TCERG1L: variants seen among roughly 807,000 people sequenced by gnomAD.
TCERG1L encodes the protein transcription elongation regulator 1 like, also known as transcription elongation regulator 1-like protein.
A neutral mutation model predicts 56.3 loss-of-function variants in TCERG1L; 37 were observed. That is an observed-to-expected ratio of 0.66 (90% CI 0.51 to 0.87). TCERG1L has a LOEUF of 0.87. Ranked by LOEUF, TCERG1L falls within the 40% of genes least tolerant of loss-of-function variation. The probability of loss-of-function intolerance (pLI) is 0.00; values close to 1 mark genes in which losing one functional copy is unlikely to be tolerated. For synonymous variants in TCERG1L, 324 were observed against 326.3 expected (o/e 0.99, Z 0.08); for missense variants, 799 against 774.2 (o/e 1.03, Z -0.38).
intron 4 of TCERG1L, among the ~76,000 whole-genome samples, chr10:131,203,189 G>A (rs958593290): frequency 2.6e-5 from 4 of 152,048 alleles, no homozygotes; most frequent in East Asian, 1.9e-4. Context: ...GCGTATACCT[G>A]TCTTCAGCCC....
chr10:131,256,907 CAAA>C (rs1398015151), intron 4 of TCERG1L, among the ~76,000 whole-genome samples: 1 of 112,786 alleles, frequency 8.9e-6, no homozygotes, highest in Non-Finnish European at 1.8e-5. Flanking sequence ...GAGAGAAAGA[CAAA>C]GAAGGAAGGA....
chr10:131,180,757 A>T (rs1845165708), intron 4 of TCERG1L, among the ~76,000 whole-genome samples: 1 of 152,196 alleles, frequency 6.6e-6, no homozygotes, highest in Admixed American at 6.5e-5. Flanking sequence ...CTTCAGTTCT[A>T]TATGGAAGAT....
chr10:131,107,552 C>T (rs1380046316), intron 9 of TCERG1L, among the ~76,000 whole-genome samples: 1 of 152,092 alleles, frequency 6.6e-6, no homozygotes, highest in African/African-American at 2.4e-5. Flanking sequence ...ATGTGTGAAA[C>T]AGGGTCTTTC....
In TCERG1L at chr10:131,260,950, G is replaced by A. The variant is rs891807561; in HGVS notation, c.671-506C>T. 3.3e-5 allele frequency among the ~76,000 whole-genome samples: 5 copies of A among 151,924 alleles called. No individual in the cohort carries two copies. The highest frequency in any genetic ancestry group is 7.4e-5 in the Non-Finnish European group (5 of 67,970). ...CAGCTGGGCCCTGCAGGGAGAGGGC[G>A]GAGAGGTTTCCAGAGGGCACCAGGC... On this transcript the variant is annotated intron_variant, in intron 3 of 11. Coordinates refer to ENST00000368642, the MANE Select transcript of TCERG1L (RefSeq NM_174937.4). This position sits in a 1 kb window ranked among gnomAD's most constrained non-coding sequence, Gnocchi z 5.8.
intron 11 of TCERG1L, chr10:131,095,212 C>T (rs1033385734): frequency 2.2e-4 from 33 of 149,946 alleles, no homozygotes; most frequent in African/African-American, 7.8e-4. Flanking sequence ...TCAACCCCAC[C>T]GGGCGGCCAA....
At chr10:131,277,870 C>A (rs551466774) in intron 3 of TCERG1L, among the ~76,000 whole-genome samples, 7 of 152,068 alleles carry the variant, frequency 4.6e-5, no homozygotes, top group African/African-American at 1.7e-4. Context: ...GTGGCAGGTG[C>A]CTCCTGAGCC....
chr10:131,114,422 T>C (rs1259458936), intron 9 of TCERG1L, among the ~76,000 whole-genome samples: 2 of 143,802 alleles, frequency 1.4e-5, no homozygotes, highest in East Asian at 4.6e-4. Context: ...GGTCTGTGTA[T>C]GTGGGCCTCT....
intron 5 of TCERG1L, among the ~76,000 whole-genome samples, chr10:131,166,584 T>C (rs1388323722): frequency 1.3e-5 from 2 of 152,218 alleles, no homozygotes; most frequent in Non-Finnish European, 2.9e-5. Flanking sequence ...CCCAGGGAGC[T>C]TCAGACCCAG....
At chr10:131,138,826 C>T (rs1456164821) in intron 7 of TCERG1L, among the ~76,000 whole-genome samples, 6 of 152,146 alleles carry the variant, frequency 3.9e-5, no homozygotes, top group East Asian at 1.9e-4. Flanking sequence ...CATGGTTAAA[C>T]GGTCAGCTTC....
chr10:131,139,185 C>G (rs1475244980), intron 7 of TCERG1L, among the ~76,000 whole-genome samples: 1 of 152,252 alleles, frequency 6.6e-6, no homozygotes, highest in Non-Finnish European at 1.5e-5. Flanking sequence ...GAAGATTCGG[C>G]AGTACCTGCC....
At chr10:131,129,188 T>C (rs1303450336) in intron 8 of TCERG1L, among the ~76,000 whole-genome samples, 4 of 150,330 alleles carry the variant, frequency 2.7e-5, no homozygotes, top group Non-Finnish European at 5.9e-5. Flanking sequence ...AGTCCTGATA[T>C]GAAAGCAAAC....
chr10:131,197,425 T>C (rs1438939883), intron 4 of TCERG1L, among the ~76,000 whole-genome samples: 2 of 152,144 alleles, frequency 1.3e-5, no homozygotes, highest in Non-Finnish European at 2.9e-5. Context: ...GACCTGGTGA[T>C]CCTCCTGCCT....
rs1318077063 is a variant in TCERG1L at position 131,260,727 on chromosome 10, G to GGT, written c.671-285_671-284dup. On this transcript the variant is annotated intron_variant, in intron 3 of 11. Transcript: ENST00000368642. The surrounding 1 kb of genome is among the most constrained non-coding windows in gnomAD (Gnocchi z 5.8). ...TCACCAGGGGACGAGCCAGGACCCG[G>GGT]GTGCCTTAAAGAGAAACTGCTTGTC... is the stretch of plus-strand genomic sequence containing the variant. 2.0e-5 allele frequency among the ~76,000 whole-genome samples: 3 copies of GGT among 152,138 alleles called. No homozygotes were observed. Among genetic ancestry groups the GGT allele is most frequent in the Non-Finnish European group, 4.4e-5 (3 of 68,038 alleles).
chr10:131,209,381 T>C (rs1451192713), intron 4 of TCERG1L, among the ~76,000 whole-genome samples: 1 of 152,228 alleles, frequency 6.6e-6, no homozygotes, highest in Non-Finnish European at 1.5e-5. Flanking sequence ...CGTTTACTGA[T>C]AATGTCTAGT....
At chr10:131,164,018 T>G (rs1846004970) in intron 5 of TCERG1L, 1 of 150,868 alleles carries the variant, frequency 6.6e-6, no homozygotes, top group Admixed American at 6.6e-5. Flanking sequence ...TCCCAGCTAC[T>G]CGGGAGGCTG....
chr10:131,269,729 C>T (rs928078130), intron 3 of TCERG1L, among the ~76,000 whole-genome samples: 1 of 152,220 alleles, frequency 6.6e-6, no homozygotes, highest in Admixed American at 6.5e-5. Flanking sequence ...CTTTGAAACA[C>T]TGAGAGTTCC....
chr10:131,222,213 T>C (rs1302476869), intron 4 of TCERG1L, among the ~76,000 whole-genome samples: 5 of 151,990 alleles, frequency 3.3e-5, no homozygotes, highest in African/African-American at 9.7e-5. Context: ...AATACAACTA[T>C]TCATCAAAAG....
At chr10:131,297,019 T>C (rs1019976417) in intron 3 of TCERG1L, among the ~76,000 whole-genome samples, 1 of 152,230 alleles carries the variant, frequency 6.6e-6, no homozygotes, top group Admixed American at 6.5e-5. Context: ...TCGTCATTTG[T>C]CTGCACATAG....
At position 131,268,824 on chromosome 10, in the gene TCERG1L, T is replaced by C. The variant is rs114739978; in HGVS notation, c.671-8380A>G. 5.2e-3 allele frequency among the ~76,000 whole-genome samples: 791 copies of C among 152,344 alleles called. 8 individuals carry two copies. Among genetic ancestry groups the C allele is most frequent in the African/African-American group, 0.018 (754 of 41,594 alleles). ...CAGCCTTCACAGAGTTGAAGACAGT[T>C]AGGAGCTTGCTCTGGATTAGGCTTT... On this transcript the variant is annotated intron_variant, in intron 3 of 11. Transcript: ENST00000368642.
Sources: gnomAD v4.1 joint callset for allele counts (sites outside exome capture counted in the v4.1 genomes callset) on GRCh38, gnomAD v4.1.1 for gene constraint, Gnocchi (gnomAD v3.1) non-coding constraint, MANE v1.5 for transcripts, NCBI Gene and HGNC (gene_info 2026-07-23, HGNC 2026-07-21) for gene names.